The following RPAP2 variants were observed in gnomAD, a reference collection of about 807,000 sequenced individuals.
RPAP2 encodes putative RNA polymerase II subunit B1 CTD phosphatase RPAP2.
A neutral mutation model predicts 73.1 loss-of-function variants in RPAP2; 52 were observed. The ratio of observed to expected loss-of-function variants is 0.71; its 90% CI spans 0.57 to 0.90. The LOEUF is 0.90. Among genes scored for constraint, RPAP2 ranks in the 40% least tolerant of loss-of-function variants. The pLI is 0.00. For synonymous variants in RPAP2, 225 were observed against 242.1 expected (o/e 0.93, Z 0.65); for missense variants, 598 against 701.8 (o/e 0.85, Z 1.67).
intron 11 of RPAP2, among the ~76,000 whole-genome samples, chr1:92,352,386 C>T (rs754437856): frequency 6.6e-6 from 1 of 152,220 alleles, no homozygotes; most frequent in Non-Finnish European, 1.5e-5. Flanking sequence ...TGGAGAGTCA[C>T]TTCCCTAGGG....
Position 92,329,092 on chromosome 1 carries a change from C to T in RPAP2, c.1456-4299C>T, listed in dbSNP as rs1475823923. On this transcript the variant is annotated intron_variant, in intron 8 of 12. Coordinates refer to ENST00000610020, the MANE Select transcript of RPAP2 (RefSeq NM_024813.3). ...TCCTTAATTGTATTTTTTTTAAGTGCGCTGGTTTTGTGTTGGTTGGCCTTC... is the reference window on the plus strand; with the variant it reads ...TCCTTAATTGTATTTTTTTTAAGTGTGCTGGTTTTGTGTTGGTTGGCCTTC... Among the ~76,000 whole-genome samples, 12 of 152,052 alleles carry T rather than the reference C, an allele frequency of 7.9e-5. 1 individual carries two copies. Among genetic ancestry groups the T allele is most frequent in the Admixed American group, 6.5e-5 (1 of 15,282 alleles).
chr1:92,401,304 G>A lies in RPAP2; in HGVS notation c.*14293G>A, dbSNP rs1656312853. The A allele has an allele frequency of 6.6e-6, 1 of 152,130 alleles. No homozygotes were observed. The highest frequency in any genetic ancestry group is 1.5e-5 in the Non-Finnish European group (1 of 68,020). The allele number at this position is 152,130 out of a possible 1,614,324, so 9.4% of individuals were successfully genotyped here. A position where few individuals can be genotyped will look rare whatever the true frequency, so the allele number is the denominator to read the frequency against. On this transcript the variant is annotated 3_prime_UTR_variant, in exon 13 of 13. Coordinates refer to ENST00000610020, the MANE Select transcript of RPAP2 (RefSeq NM_024813.3). ...ATACTTTGCTTTCCTTGTGATTAAT[G>A]CCTTGACTTTTTTGTGGAAAGTAAC...
At chr1:92,302,590 ATT>A (rs36067595) in intron 3 of RPAP2, among the ~76,000 whole-genome samples, 1,744 of 74,020 alleles carry the variant, frequency 0.024, 6 homozygotes, top group African/African-American at 0.096. Flanking sequence ...TCCGCATTAA[ATT>A]TTTTTTTTTT....
intron 6 of RPAP2, among the ~76,000 whole-genome samples, chr1:92,307,516 TTAACTC>T (rs949309924): frequency 5.3e-5 from 8 of 152,206 alleles, no homozygotes; most frequent in South Asian, 2.1e-4. Context: ...AATCAGAACT[TTAACTC>T]CAGTGTCCTG....
chr1:92,387,169 C>G lies in RPAP2; in HGVS notation c.*158C>G. 1.6e-6 allele frequency: 1 copy of G among 606,266 alleles called. No individual in the cohort carries two copies. Among genetic ancestry groups the G allele is most frequent in the Non-Finnish European group, 2.7e-6 (1 of 375,188 alleles). 37.6% of individuals were successfully genotyped at this position (606,266 alleles called of 1,614,324 possible). On this transcript the variant is annotated 3_prime_UTR_variant, in exon 13 of 13. Transcript: ENST00000610020. ...TCTCCCATCTCCCAGTCCTTCAGTCCCCAACTGCAGAGGATGACCTCCCCA... is the reference window on the plus strand; with the variant it reads ...TCTCCCATCTCCCAGTCCTTCAGTCGCCAACTGCAGAGGATGACCTCCCCA...
In RPAP2 at chr1:92,380,705, G is replaced by A. The variant is rs1450916235; in HGVS notation, c.1689-19G>A. The stretch of plus-strand genomic sequence containing the variant: ...TTATCATTTCATGGATATGCATTTA[G>A]TATTTTTGGTTGTTTCAGACTGACC... On this transcript the variant is annotated intron_variant, in intron 11 of 12. Transcript: ENST00000610020. The A allele has an allele frequency of 1.6e-5, 25 of 1,542,208 alleles. No individual in the cohort carries two copies. Among genetic ancestry groups the A allele is most frequent in the Non-Finnish European group, 2.1e-5 (24 of 1,151,456 alleles).
chr1:92,385,706 G>A (rs1655837076), intron 12 of RPAP2, among the ~76,000 whole-genome samples: 1 of 152,052 alleles, frequency 6.6e-6, no homozygotes, highest in Non-Finnish European at 1.5e-5. Context: ...TGTTATTGTG[G>A]TATATTAGTT....
chr1:92,336,397 C>A lies in RPAP2; in HGVS notation c.1589C>A (p.Thr530Lys), dbSNP rs1249195069. 1 of 1,609,634 alleles carries A rather than the reference C, an allele frequency of 6.2e-7. No individual in the cohort carries two copies. The highest frequency in any genetic ancestry group is 8.5e-7 in the Non-Finnish European group (1 of 1,176,870). Reference sequence around the variant, plus strand: ...CAGATTACATTGGGAGATATTTACACACAACTTAAAAATCTTGTTCGAACT... The same window carrying A: ...CAGATTACATTGGGAGATATTTACAAACAACTTAAAAATCTTGTTCGAACT... The part of the protein sequence containing the change: ...PLQITLGDIY[T>K]QLKNLVRTFR... The change falls in exon 10 of 13, where the codon ACA becomes AAA. Residue 530 changes from threonine to lysine, a missense_variant. Physicochemically the swap from Thr to Lys is moderately conservative, Grantham distance 78. This residue lies in a region of RPAP2 where 506 missense variants were observed against 612.8 expected (regional missense o/e 0.83). Coordinates refer to ENST00000610020, the MANE Select transcript of RPAP2 (RefSeq NM_024813.3).
chr1:92,357,885 T>C (rs1654557453), intron 11 of RPAP2, among the ~76,000 whole-genome samples: 1 of 152,176 alleles, frequency 6.6e-6, no homozygotes, highest in Admixed American at 6.5e-5. Flanking sequence ...GTAATGAAAG[T>C]CATTTAAATT....
At chr1:92,306,822 GTGAA>G (rs1294535205) in intron 5 of RPAP2, among the ~76,000 whole-genome samples, 5 of 152,082 alleles carry the variant, frequency 3.3e-5, no homozygotes, top group African/African-American at 4.8e-5. Flanking sequence ...AATTTAATAA[GTGAA>G]TGAAGTAAGA....
intron 6 of RPAP2, among the ~76,000 whole-genome samples, chr1:92,311,954 A>G (rs1651617597): frequency 6.6e-6 from 1 of 152,166 alleles, no homozygotes; most frequent in Non-Finnish European, 1.5e-5. Context: ...ATGGCTGCTA[A>G]CTGATCAGGG....
At chr1:92,344,690 A>C (rs1232082166) in intron 10 of RPAP2, among the ~76,000 whole-genome samples, 2 of 152,166 alleles carry the variant, frequency 1.3e-5, no homozygotes. Context: ...ATTGTCATTC[A>C]ATTGCTCACA....
At chr1:92,380,565 T>C (rs1655586534) in intron 11 of RPAP2, among the ~76,000 whole-genome samples, 159 bp from the exon 12 acceptor site, 1 of 152,254 alleles carries the variant, frequency 6.6e-6, no homozygotes, top group South Asian at 2.1e-4. Flanking sequence ...TCCTGAGACT[T>C]CTCTTCTGCC....
chr1:92,394,250 C>G lies in RPAP2; in HGVS notation c.*7239C>G, dbSNP rs887381208. 2 of 152,232 alleles carry G rather than the reference C, an allele frequency of 1.3e-5. No individual in the cohort carries two copies. Among genetic ancestry groups the G allele is most frequent in the South Asian group, 2.1e-4 (1 of 4,816 alleles). The allele number at this position is 152,232 out of a possible 1,614,324, so 9.4% of individuals were successfully genotyped here. ...ATCAGAAAACCAAACAACGCATGTTCTCACTCATAAGTGGGAGTTAAACAA... is the reference window on the plus strand; with the variant it reads ...ATCAGAAAACCAAACAACGCATGTTGTCACTCATAAGTGGGAGTTAAACAA... On this transcript the variant is annotated 3_prime_UTR_variant, in exon 13 of 13. Coordinates refer to ENST00000610020, the MANE Select transcript of RPAP2 (RefSeq NM_024813.3).
intron 11 of RPAP2, among the ~76,000 whole-genome samples, chr1:92,352,782 T>C (rs1654281788): frequency 6.6e-6 from 1 of 152,192 alleles, no homozygotes; most frequent in Admixed American, 6.5e-5. Context: ...GTTGTACAAC[T>C]ATCACCACTA....
intron 11 of RPAP2, among the ~76,000 whole-genome samples, chr1:92,377,161 C>T (rs1344116676): frequency 2.0e-5 from 3 of 151,928 alleles, no homozygotes; most frequent in African/African-American, 7.3e-5. Flanking sequence ...ATAGATAGAC[C>T]CTAAGGCTTT....
intron 11 of RPAP2, among the ~76,000 whole-genome samples, chr1:92,371,784 T>G (rs1374509617): frequency 6.8e-6 from 1 of 147,522 alleles, no homozygotes; most frequent in Non-Finnish European, 1.5e-5. Flanking sequence ...CCCAGCACTT[T>G]GGGAGGCTGA....
In RPAP2 at chr1:92,393,571, T is replaced by C. The variant is rs1656108767; in HGVS notation, c.*6560T>C. 1 of 152,176 alleles carries C rather than the reference T, an allele frequency of 6.6e-6. No homozygotes were observed. The highest frequency in any genetic ancestry group is 2.4e-5 in the African/African-American group (1 of 41,450). The allele number at this position is 152,176 out of a possible 1,614,324, so 9.4% of individuals were successfully genotyped here. A position where few individuals can be genotyped will look rare whatever the true frequency, so the allele number is the denominator to read the frequency against. ...AGAATGGGAGAACATTTTTGCAATA[T>C]ATCCATCTGACAAAGGGCTAATATC... On this transcript the variant is annotated 3_prime_UTR_variant, in exon 13 of 13. Transcript: ENST00000610020.
intron 11 of RPAP2, among the ~76,000 whole-genome samples, chr1:92,377,767 GTGTT>G (rs969711819): frequency 3.3e-5 from 5 of 152,136 alleles, no homozygotes; most frequent in African/African-American, 9.7e-5. Flanking sequence ...CTCTCCTTTT[GTGTT>G]TGTTTGTTTC....
Sources: gnomAD v4.1 joint callset for allele counts (sites outside exome capture counted in the v4.1 genomes callset) on GRCh38, gnomAD v4.1.1 for gene constraint, gnomAD v4.1.1 regional missense constraint, MANE v1.5 for transcripts, NCBI Gene and HGNC (gene_info 2026-07-23, HGNC 2026-07-21) for gene names.